SLC4A4: variants seen among roughly 807,000 people sequenced by gnomAD.
SLC4A4 encodes the protein solute carrier family 4 member 4, also known as electrogenic sodium bicarbonate cotransporter 1.
Under a neutral mutation model 111.5 loss-of-function variants are expected in SLC4A4, and 27 were observed. That is an observed-to-expected ratio of 0.24 (90% CI 0.18 to 0.33). SLC4A4 has a LOEUF of 0.33. SLC4A4 is among the 10% of genes least tolerant of loss of function. The pLI is 1.00. For synonymous variants in SLC4A4, 443 were observed against 463.4 expected, an observed-to-expected ratio of 0.96 and a Z score of 0.57; for missense variants, 909 against 1,315.5, an observed-to-expected ratio of 0.69 and a Z score of 4.78.
At chr4:71,378,665 A>G (rs1173004513) in intron 6 of SLC4A4, among the ~76,000 whole-genome samples, 1 of 152,248 alleles carries the variant, frequency 6.6e-6, no homozygotes, top group East Asian at 1.9e-4. Flanking sequence ...CAAATGCAGT[A>G]TTCCAGCTAC....
intron 1 of SLC4A4, among the ~76,000 whole-genome samples, chr4:71,090,659 C>G (rs1742362356): frequency 1.3e-5 from 2 of 152,124 alleles, no homozygotes; most frequent in South Asian, 2.1e-4. Context: ...GGCATGCAGC[C>G]AAAATACACG....
intron 16 of SLC4A4, among the ~76,000 whole-genome samples, chr4:71,515,434 A>C (rs1247492241): frequency 6.6e-6 from 1 of 152,188 alleles, no homozygotes; most frequent in Non-Finnish European, 1.5e-5. Context: ...TGATGAAAGA[A>C]ATATATATTC....
At chr4:71,076,412 A>G (rs997474322) in intron 1 of SLC4A4, among the ~76,000 whole-genome samples, 6 of 151,724 alleles carry the variant, frequency 4.0e-5, no homozygotes, top group South Asian at 2.1e-4. Context: ...CATGCCTATA[A>G]TCCCAGCTAC....
intron 16 of SLC4A4, among the ~76,000 whole-genome samples, chr4:71,523,386 G>A (rs1416531792): frequency 1.3e-5 from 2 of 152,102 alleles, no homozygotes; most frequent in African/African-American, 4.8e-5. Context: ...GGGATATTTA[G>A]TTATAAATGC....
intron 3 of SLC4A4, among the ~76,000 whole-genome samples, chr4:71,296,293 T>C (rs886582948): frequency 1.3e-5 from 2 of 152,222 alleles, no homozygotes; most frequent in Admixed American, 6.5e-5. Context: ...GTTATTCATC[T>C]ACTCTCTTCT....
intron 1 of SLC4A4, among the ~76,000 whole-genome samples, chr4:71,213,991 G>C (rs374504267): frequency 6.6e-6 from 1 of 152,176 alleles, no homozygotes; most frequent in African/African-American, 2.4e-5. Context: ...GACACTCCCT[G>C]TTCTCTACAC....
At chr4:71,129,916 G>GT (rs1743657846) in intron 2 of SLC4A4, among the ~76,000 whole-genome samples, 1 of 151,786 alleles carries the variant, frequency 6.6e-6, no homozygotes, top group African/African-American at 2.4e-5. Context: ...TCACTTATAA[G>GT]TAGGAGCTAA....
intron 14 of SLC4A4, among the ~76,000 whole-genome samples, chr4:71,484,027 T>C (rs1439611236): frequency 2.0e-5 from 3 of 151,934 alleles, no homozygotes; most frequent in Non-Finnish European, 2.9e-5. Context: ...GGGCTGGTTT[T>C]TTTTCTTGTA....
At chr4:71,256,662 T>C (rs1282929792) in intron 3 of SLC4A4, among the ~76,000 whole-genome samples, 1 of 152,182 alleles carries the variant, frequency 6.6e-6, no homozygotes, top group Non-Finnish European at 1.5e-5. Context: ...AAAGGGATCC[T>C]TTACATATCG....
chr4:71,485,345 A>G (rs1025759105), intron 14 of SLC4A4, among the ~76,000 whole-genome samples: 19 of 151,572 alleles, frequency 1.3e-4, no homozygotes, highest in Non-Finnish European at 1.8e-4. Context: ...TTTAACATGA[A>G]TGGATGTTGA....
chr4:71,390,815 G>A (rs920303699), intron 6 of SLC4A4, among the ~76,000 whole-genome samples: 1 of 152,062 alleles, frequency 6.6e-6, no homozygotes, highest in Non-Finnish European at 1.5e-5. Flanking sequence ...TTGGCATTAT[G>A]AGATCCATGT....
At chr4:71,156,367 C>T (rs566242891) in intron 2 of SLC4A4, among the ~76,000 whole-genome samples, 1 of 152,116 alleles carries the variant, frequency 6.6e-6, no homozygotes, top group Non-Finnish European at 1.5e-5. Flanking sequence ...ACTCTGTGCA[C>T]AGTTATGTGC....
At chr4:71,115,965 G>T (rs1179379374) in intron 2 of SLC4A4, among the ~76,000 whole-genome samples, 1 of 152,150 alleles carries the variant, frequency 6.6e-6, no homozygotes, top group Non-Finnish European at 1.5e-5. Context: ...CACGATCTCG[G>T]CTCACTGCAA....
intron 7 of SLC4A4, among the ~76,000 whole-genome samples, chr4:71,435,212 T>C (rs1724012215): frequency 6.6e-6 from 1 of 152,056 alleles, no homozygotes; most frequent in Non-Finnish European, 1.5e-5. Flanking sequence ...AAAACAGATA[T>C]ATAGAACAAT....
Position 71,451,216 on chromosome 4 carries a change from G to A in SLC4A4, c.1237G>A (p.Val413Ile), listed in dbSNP as rs1466927300. 1.9e-6 allele frequency: 3 copies of A among 1,611,744 alleles called. No individual in the cohort carries two copies. The highest frequency in any genetic ancestry group is 2.7e-5 in the African/African-American group (2 of 74,874). ...GAATATGTACTCAGGTGGAGAGAAT[G>A]TTCAGATGAATGGGGATACGCCCCA... Reference protein sequence around the residue: ...RKNMYSGGENVQMNGDTPHDG... With the variant: ...RKNMYSGGENIQMNGDTPHDG... The change falls in exon 11 of 26, where the codon GTT (valine) becomes ATT (isoleucine). Residue 413 changes from valine to isoleucine, a missense_variant. Val to Ile is a conservative substitution (Grantham distance 29, BLOSUM62 3). Coordinates refer to ENST00000264485, the MANE Select transcript of SLC4A4 (RefSeq NM_001098484.3).
At chr4:71,158,464 G>T (rs968269337) in intron 2 of SLC4A4, among the ~76,000 whole-genome samples, 2 of 152,092 alleles carry the variant, frequency 1.3e-5, no homozygotes, top group African/African-American at 2.4e-5. Context: ...TCAAAGGCAA[G>T]CTATGGATTT....
At chr4:71,169,732 A>T (rs1744884361) in intron 2 of SLC4A4, among the ~76,000 whole-genome samples, 1 of 152,206 alleles carries the variant, frequency 6.6e-6, no homozygotes, top group East Asian at 1.9e-4. Flanking sequence ...GAGGCAGGGA[A>T]GTCCAAGATC....
intron 3 of SLC4A4, among the ~76,000 whole-genome samples, chr4:71,276,512 T>A (rs1451877949): frequency 1.3e-5 from 2 of 152,152 alleles, no homozygotes; most frequent in Admixed American, 1.3e-4. Flanking sequence ...TCTTTGTAAT[T>A]TTGTCATTTC....
chr4:71,285,772 A>G (rs975191920), intron 3 of SLC4A4, among the ~76,000 whole-genome samples: 9 of 152,322 alleles, frequency 5.9e-5, no homozygotes, highest in African/African-American at 2.2e-4. Flanking sequence ...CAAAGTTTGT[A>G]TTTAGATTAA....
Sources: allele counts gnomAD v4.1 joint callset (sites outside exome capture counted in the v4.1 genomes callset), GRCh38; gene constraint gnomAD v4.1.1; transcripts MANE v1.5; gene names NCBI Gene and HGNC (gene_info 2026-07-23, HGNC 2026-07-21).